Variants in MANBA observed in about 807,000 individuals in gnomAD.
The protein encoded by MANBA is mannosidase beta.
Under a neutral mutation model 111.1 loss-of-function variants are expected in MANBA, and 83 were observed. The ratio of observed to expected loss-of-function variants is 0.75; its 90% CI spans 0.63 to 0.90. The LOEUF (loss-of-function observed/expected upper bound fraction) is 0.90, where lower values mean the gene tolerates loss of function less well. Ranked by LOEUF, MANBA falls within the 40% of genes least tolerant of loss-of-function variation. The probability of loss-of-function intolerance (pLI) is 0.00; values close to 1 mark genes in which losing one functional copy is unlikely to be tolerated. For missense variants in MANBA, 1,036 were observed against 1,069.0 expected (o/e 0.97, Z 0.43); for synonymous variants, 370 against 378.7 (o/e 0.98, Z 0.27).
At position 102,664,855 on chromosome 4, in the gene MANBA, G is replaced by GA; in HGVS notation, c.1318-4dup. 1 of 1,581,024 alleles carries GA rather than the reference G, an allele frequency of 6.3e-7. No individual in the cohort carries two copies. Among genetic ancestry groups the GA allele is most frequent in the Non-Finnish European group, 8.7e-7 (1 of 1,150,138 alleles). On this transcript the variant is annotated splice_region_variant and splice_polypyrimidine_tract_variant and intron_variant, in intron 10 of 16. Coordinates refer to ENST00000647097, the MANE Select transcript of MANBA (RefSeq NM_005908.4). ...GGATGAGATTTCAGTCTCTTGATCTGAAAATTAAGAAAACATAAAATGATT... is the reference window on the plus strand; with the variant it reads ...GGATGAGATTTCAGTCTCTTGATCTGAAAAATTAAGAAAACATAAAATGATT...
At chr4:102,719,265 A>T (rs1354443426) in intron 4 of MANBA, among the ~76,000 whole-genome samples, 1 of 152,162 alleles carries the variant, frequency 6.6e-6, no homozygotes, top group African/African-American at 2.4e-5. Flanking sequence ...TATTTCTCCT[A>T]CTTGCACATC....
chr4:102,728,457 T>C (rs1722894915), intron 1 of MANBA: 1 of 416,356 alleles, frequency 2.4e-6, no homozygotes, highest in South Asian at 1.9e-5. Flanking sequence ...AGGGACTCTT[T>C]GTATGGTTTT....
intron 14 of MANBA, among the ~76,000 whole-genome samples, chr4:102,638,459 T>TA (rs1288765882): frequency 8.4e-6 from 1 of 118,488 alleles, no homozygotes; most frequent in Admixed American, 9.4e-5. Flanking sequence ...AAAAACCACT[T>TA]AGAGTTTGAG....
intron 16 of MANBA, chr4:102,633,556 G>A (rs5026469): frequency 0.53 from 209,005 of 396,664 alleles, 56,000 homozygotes; most frequent in Admixed American, 0.64. Flanking sequence ...TATTAGCCCC[G>A]AATTAAACAT....
rs150587449 is a variant in MANBA, at chr4:102,691,382, T to C, written c.674-611A>G. Among the ~76,000 whole-genome samples the C allele has an allele frequency of 5.4e-3, 816 of 152,118 alleles. 12 individuals carry two copies. The highest frequency in any genetic ancestry group is 0.018 in the African/African-American group (745 of 41,514). ...CCTACTCTCATGAACTAAAAGTCTA[T>C]AGACAAATTCAAAAGCATAATAATA... On this transcript the variant is annotated intron_variant, in intron 5 of 16. Transcript: ENST00000647097.
chr4:102,691,093 T>C (rs1578906482), intron 5 of MANBA: 2 of 152,238 alleles, frequency 1.3e-5, no homozygotes, highest in African/African-American at 2.4e-5. Flanking sequence ...TTTCCAAGAA[T>C]AATACACATT....
At chr4:102,706,072 C>T (rs1030315058) in intron 5 of MANBA, among the ~76,000 whole-genome samples, 2 of 152,146 alleles carry the variant, frequency 1.3e-5, no homozygotes, top group East Asian at 3.8e-4. Flanking sequence ...GGCCTGAAGA[C>T]CCAGCCATCC....
At chr4:102,710,290 C>A (rs1044328824) in intron 5 of MANBA, among the ~76,000 whole-genome samples, 17 of 152,098 alleles carry the variant, frequency 1.1e-4, no homozygotes, top group Admixed American at 2.6e-4. Context: ...ATTCTTAGAT[C>A]TGATAAATAA....
chr4:102,750,834 G>A (rs1177235879), intron 1 of MANBA, among the ~76,000 whole-genome samples: 1 of 152,032 alleles, frequency 6.6e-6, no homozygotes, highest in Non-Finnish European at 1.5e-5. Context: ...GATAGCTTGA[G>A]TCCAGGAGGT....
At chr4:102,645,834 T>C (rs1391284211) in intron 13 of MANBA, among the ~76,000 whole-genome samples, 1 of 152,168 alleles carries the variant, frequency 6.6e-6, no homozygotes, top group Non-Finnish European at 1.5e-5. Context: ...AACTTTTGGC[T>C]TCACTGGTTT....
intron 13 of MANBA, among the ~76,000 whole-genome samples, chr4:102,646,649 C>T (rs1730117667): frequency 6.6e-6 from 1 of 152,056 alleles, no homozygotes; most frequent in Non-Finnish European, 1.5e-5. Context: ...GTAAGACACT[C>T]AAAAGTTAGT....
At chr4:102,721,864 CA>C (rs944472976) in intron 4 of MANBA, among the ~76,000 whole-genome samples, 1 of 150,788 alleles carries the variant, frequency 6.6e-6, no homozygotes, top group African/African-American at 2.4e-5. Flanking sequence ...CCTGTCTCTA[CA>C]AAAAAAATAC....
chr4:102,692,538 C>G (rs966836253), intron 5 of MANBA, among the ~76,000 whole-genome samples: 4 of 152,022 alleles, frequency 2.6e-5, no homozygotes, highest in Non-Finnish European at 5.9e-5. Context: ...GGGACAAGAG[C>G]TGGGTGGAAA....
intron 10 of MANBA, chr4:102,668,709 G>A (rs1255247290): frequency 2.2e-6 from 1 of 452,342 alleles, no homozygotes; most frequent in Non-Finnish European, 4.1e-6. Flanking sequence ...GAGGCACCAG[G>A]TAGGCAGTTG....
chr4:102,735,521 C>CAAA (rs35650118), intron 1 of MANBA, among the ~76,000 whole-genome samples: 1 of 113,242 alleles, frequency 8.8e-6, no homozygotes. Context: ...GAGAAAATAC[C>CAAA]AAAAAAAAAA....
intron 1 of MANBA, chr4:102,727,376 T>C: frequency 1.2e-6 from 1 of 802,036 alleles, no homozygotes; most frequent in South Asian, 1.5e-5. Context: ...ACATCTTTAC[T>C]TCTTGCTGCT....
chr4:102,638,898 C>T (rs1729746672), intron 14 of MANBA, among the ~76,000 whole-genome samples: 1 of 152,108 alleles, frequency 6.6e-6, no homozygotes, highest in Non-Finnish European at 1.5e-5. Flanking sequence ...GCCTGGGTGT[C>T]AGAACAAGAC....
At chr4:102,676,603 T>C (rs533934124) in intron 7 of MANBA, among the ~76,000 whole-genome samples, 99 of 152,332 alleles carry the variant, frequency 6.5e-4, no homozygotes, top group Non-Finnish European at 1.2e-3. Context: ...ATCATACTTT[T>C]GCTTTACAAA....
At chr4:102,633,775 G>GT (rs869058731) in intron 16 of MANBA, among the ~76,000 whole-genome samples, 34 of 33,618 alleles carry the variant, frequency 1.0e-3, no homozygotes, top group African/African-American at 3.9e-3. Flanking sequence ...GTACATAGTG[G>GT]TTTTTTTTTT....
Sources: allele counts gnomAD v4.1 joint callset (sites outside exome capture counted in the v4.1 genomes callset), GRCh38; gene constraint gnomAD v4.1.1; transcripts MANE v1.5; gene names NCBI Gene and HGNC (gene_info 2026-07-23, HGNC 2026-07-21).